The following PKHD1 variants were observed in gnomAD, a reference collection of about 807,000 sequenced individuals.
The protein encoded by PKHD1 is fibrocystin.
PKHD1 carries 291 observed loss-of-function variants against 412.0 expected under a neutral mutation model. That is an observed-to-expected ratio of 0.71 (90% confidence interval 0.64 to 0.78). The LOEUF (loss-of-function observed/expected upper bound fraction) is 0.78. Among genes scored for constraint, PKHD1 ranks in the 30% least tolerant of loss-of-function variants. The pLI is 0.00. For missense variants in PKHD1, 4,825 were observed against 4,950.7 expected, an observed-to-expected ratio of 0.97 and a Z score of 0.76; for synonymous variants, 1,777 against 1,821.5, an observed-to-expected ratio of 0.98 and a Z score of 0.62.
At chr6:52,055,788 T>A (rs1807634997) in intron 18 of PKHD1, 59 bp from the exon 19 acceptor site, 2 of 1,564,164 alleles carry the variant, frequency 1.3e-6, no homozygotes, top group Admixed American at 1.7e-5. Flanking sequence ...AGACAGAGCT[T>A]CCCTACATGT....
intron 60 of PKHD1, among the ~76,000 whole-genome samples, chr6:51,728,573 T>C (rs1377895571): frequency 6.6e-6 from 1 of 152,162 alleles, no homozygotes; most frequent in Non-Finnish European, 1.5e-5. Flanking sequence ...TACAACTACA[T>C]GGAACTGAAT....
In PKHD1 at chr6:51,659,194, C is replaced by A. The variant is rs772116097; in HGVS notation, c.10932G>T (p.Met3644Ile). The stretch of plus-strand genomic sequence containing the variant: ...TTGGGGGTGAAGCCCTATGTGAGTT[C>A]ATTTCCATCATGAGAGGCCTACGTT... ...VGQRRPLMME[M>I]NSHRASPPMT... is the part of the protein sequence containing the mutation. The change falls in exon 61 of 67, where the codon ATG (methionine) becomes ATT (isoleucine). Residue 3644 changes from methionine to isoleucine, a missense_variant. Transcript: ENST00000371117. 6.2e-6 allele frequency: 10 copies of A among 1,613,666 alleles called. No homozygotes were observed. The highest frequency in any genetic ancestry group is 1.6e-4 in the Middle Eastern group (1 of 6,080).
intron 54 of PKHD1, among the ~76,000 whole-genome samples, chr6:51,775,382 T>C (rs1350518036): frequency 6.6e-6 from 1 of 151,912 alleles, no homozygotes; most frequent in African/African-American, 2.4e-5. Context: ...TAGACCAATT[T>C]AAAATAGCAT....
chr6:51,837,402 C>A (rs977628857), intron 50 of PKHD1, among the ~76,000 whole-genome samples: 9 of 152,110 alleles, frequency 5.9e-5, no homozygotes, highest in Non-Finnish European at 1.3e-4. Flanking sequence ...CAGGATCATT[C>A]TTTCTAAATA....
chr6:51,954,146 CATTA>C (rs757372517), intron 36 of PKHD1, among the ~76,000 whole-genome samples: 3 of 151,996 alleles, frequency 2.0e-5, no homozygotes, highest in Non-Finnish European at 2.9e-5. Flanking sequence ...CAAAAACTAG[CATTA>C]ATTGAGTTCT....
chr6:51,835,208 C>T (rs1768983946), intron 51 of PKHD1, among the ~76,000 whole-genome samples: 1 of 152,108 alleles, frequency 6.6e-6, no homozygotes, highest in Admixed American at 6.6e-5. Context: ...GAGTGACATG[C>T]CACCCTGACT....
intron 53 of PKHD1, among the ~76,000 whole-genome samples, chr6:51,785,456 C>T (rs930363706): frequency 2.6e-5 from 4 of 152,130 alleles, no homozygotes; most frequent in Non-Finnish European, 1.5e-5. Flanking sequence ...AAAGTTATTG[C>T]TCCTGAAGCA....
At chr6:51,819,494 C>G (rs139971109) in intron 52 of PKHD1, among the ~76,000 whole-genome samples, 1 of 152,178 alleles carries the variant, frequency 6.6e-6, no homozygotes, top group Non-Finnish European at 1.5e-5. Context: ...CTATGCCAGT[C>G]CAGGTCCAGG....
chr6:51,890,475 A>C (rs570155955), intron 43 of PKHD1, among the ~76,000 whole-genome samples: 1 of 152,246 alleles, frequency 6.6e-6, no homozygotes, highest in South Asian at 2.1e-4. Context: ...ACATTCACGC[A>C]AGGGAAATTC....
intron 37 of PKHD1, among the ~76,000 whole-genome samples, chr6:51,923,113 T>C (rs1430693759): frequency 6.6e-6 from 1 of 152,196 alleles, no homozygotes; most frequent in Non-Finnish European, 1.5e-5. Flanking sequence ...GTAACGTTCA[T>C]GGGTTCCAAG....
intron 37 of PKHD1, among the ~76,000 whole-genome samples, chr6:51,915,078 CAAAG>C (rs1783563703): frequency 2.0e-5 from 3 of 151,900 alleles, no homozygotes; most frequent in African/African-American, 7.3e-5. Context: ...GAAGTTTGCA[CAAAG>C]AAACAGATGA....
At chr6:51,637,221 G>A (rs957780994) in intron 64 of PKHD1, among the ~76,000 whole-genome samples, 1 of 152,118 alleles carries the variant, frequency 6.6e-6, no homozygotes, top group African/African-American at 2.4e-5. Flanking sequence ...AGACAAATCT[G>A]GAACAAAATA....
intron 54 of PKHD1, among the ~76,000 whole-genome samples, chr6:51,774,368 G>A (rs371509643): frequency 5.3e-5 from 8 of 151,914 alleles, no homozygotes; most frequent in South Asian, 2.1e-4. Context: ...TAGTTTGACC[G>A]TACAGCCAGG....
At chr6:51,989,881 A>AAAGGAAGG (rs1201816967) in intron 35 of PKHD1, among the ~76,000 whole-genome samples, 1 of 80,484 alleles carries the variant, frequency 1.2e-5, no homozygotes, top group Non-Finnish European at 2.5e-5. Context: ...ACAAGGGAGA[A>AAAGGAAGG]AAGGAAGGAA....
At chr6:51,891,502 C>T (rs1387236203) in intron 43 of PKHD1, among the ~76,000 whole-genome samples, 2 of 152,108 alleles carry the variant, frequency 1.3e-5, no homozygotes, top group African/African-American at 4.8e-5. Flanking sequence ...TGGTCTCAAA[C>T]TCCCGACCTC....
chr6:51,629,570 A>C (rs1049003290), intron 65 of PKHD1, among the ~76,000 whole-genome samples: 2 of 151,728 alleles, frequency 1.3e-5, no homozygotes, highest in African/African-American at 2.4e-5. Context: ...AATCACAGTA[A>C]AACAAAACAA....
intron 29 of PKHD1, among the ~76,000 whole-genome samples, chr6:52,028,685 T>C (rs1802591840): frequency 6.6e-6 from 1 of 152,104 alleles, no homozygotes; most frequent in South Asian, 2.1e-4. Context: ...CTAATTTTTG[T>C]ATTTTTTGCA....
Position 52,024,695 on chromosome 6 carries a change from C to G in PKHD1, c.5115G>C (p.Val1705=). The G allele has an allele frequency of 1.2e-6, 2 of 1,614,204 alleles. No individual in the cohort carries two copies. The highest frequency in any genetic ancestry group is 1.7e-6 in the Non-Finnish European group (2 of 1,180,032). ...VSGNHTVLQC[V]VPSLPAGEYH... ...ACTCCCCGGCCGGAAGGGAAGGGAC[C>G]ACGCACTGAAGAACGGTGTGGTTAC... The change falls in exon 32 of 67, where the codon GTG becomes GTC. Residue 1705 remains valine (V), a synonymous_variant. Coordinates refer to ENST00000371117, the MANE Select transcript of PKHD1 (RefSeq NM_138694.4).
At chr6:51,825,069 A>T (rs1767093072) in intron 52 of PKHD1, among the ~76,000 whole-genome samples, 1 of 152,244 alleles carries the variant, frequency 6.6e-6, no homozygotes, top group African/African-American at 2.4e-5. Context: ...GTCTAAATAA[A>T]GTCTGTCCAG....
Sources: gnomAD v4.1 joint callset for allele counts (sites outside exome capture counted in the v4.1 genomes callset) on GRCh38, gnomAD v4.1.1 for gene constraint, MANE v1.5 for transcripts, NCBI Gene and HGNC (gene_info 2026-07-23, HGNC 2026-07-21) for gene names.